Variants in OTOP3 observed in about 807,000 individuals in gnomAD.
OTOP3 encodes proton channel OTOP3.
A neutral mutation model predicts 50.8 loss-of-function variants in OTOP3; 41 were observed. The ratio of observed to expected loss-of-function variants is 0.81; its 90% CI spans 0.63 to 1.05. The LOEUF is 1.05. Among genes scored for constraint, OTOP3 ranks in the 50% least tolerant of loss-of-function variants. The probability of loss-of-function intolerance (pLI) is 0.00; values close to 1 mark genes in which losing one functional copy is unlikely to be tolerated. For synonymous variants in OTOP3, 320 were observed against 324.4 expected, an observed-to-expected ratio of 0.99 and a Z score of 0.14; for missense variants, 788 against 760.8, an observed-to-expected ratio of 1.04 and a Z score of -0.42.
intron 1 of OTOP3, among the ~76,000 whole-genome samples, chr17:74,938,142 G>C (rs2039136941): frequency 6.6e-6 from 1 of 152,120 alleles, no homozygotes; most frequent in African/African-American, 2.4e-5. Context: ...ATAGAATCTT[G>C]AAAAGAGGCT....
chr17:74,943,393 C>A (rs2039195894), intron 4 of OTOP3, 49 bp downstream of exon 4: 7 of 1,589,166 alleles, frequency 4.4e-6, no homozygotes, highest in Non-Finnish European at 6.0e-6. Flanking sequence ...GTCCTCCCCA[C>A]CACTTCCCTG....
At chr17:74,946,574 C>T in intron 5 of OTOP3, 87 bp from the exon 6 acceptor site, 1 of 1,209,986 alleles carries the variant, frequency 8.3e-7, no homozygotes, top group Non-Finnish European at 1.2e-6. Context: ...TAGTGTATTC[C>T]AGGGAATGGG....
At chr17:74,935,821 C>A (rs1006416950), upstream of OTOP3, 1 of 1,515,408 alleles carries the variant, frequency 6.6e-7, no homozygotes. Flanking sequence ...GGAGCCCGAG[C>A]GGCGGCTGCG....
chr17:74,944,203 C>T (rs1185411123), intron 5 of OTOP3, among the ~76,000 whole-genome samples: 1 of 152,160 alleles, frequency 6.6e-6, no homozygotes, highest in Admixed American at 6.5e-5. Context: ...CTAGAGGCTG[C>T]ATCCCATACC....
intron 3 of OTOP3, 142 bp downstream of exon 3, chr17:74,942,179 C>T: frequency 9.6e-7 from 1 of 1,041,140 alleles, no homozygotes; most frequent in Non-Finnish European, 1.4e-6. Context: ...ACACACCACA[C>T]CCCTCACACA....
At chr17:74,942,920 G>C (rs1286841872) in intron 3 of OTOP3, among the ~76,000 whole-genome samples, 1 of 152,174 alleles carries the variant, frequency 6.6e-6, no homozygotes, top group African/African-American at 2.4e-5. Flanking sequence ...ACTCCAGCCT[G>C]GGCGACAGAG....
chr17:74,936,961 C>CCCCTTTT (rs1555629576), intron 1 of OTOP3, among the ~76,000 whole-genome samples: 1 of 101,308 alleles, frequency 9.9e-6, no homozygotes, highest in African/African-American at 3.6e-5. Flanking sequence ...CCCCCCCACC[C>CCCCTTTT]TTTTTTTTTT....
At chr17:74,944,927 G>A (rs1354559742) in intron 5 of OTOP3, among the ~76,000 whole-genome samples, 2 of 151,978 alleles carry the variant, frequency 1.3e-5, no homozygotes. Context: ...ATTTCAGCAT[G>A]CATCTTTTTT....
Position 74,942,030 on chromosome 17 carries a change from G to C in OTOP3, c.566G>C (p.Gly189Ala). 6.2e-7 allele frequency: 1 copy of C among 1,608,318 alleles called. No homozygotes were observed. The change falls in exon 3 of 7, where the codon GGC becomes GCC. Residue 189 changes from glycine to alanine, a missense_variant. Coordinates refer to ENST00000328801, the MANE Select transcript of OTOP3 (RefSeq NM_001272005.2). ...VFSVIEMVFIGVQTWVLWKHC... is the reference protein window; with the variant it reads ...VFSVIEMVFIAVQTWVLWKHC... ...TCTGTCATCGAGATGGTCTTCATCG[G>C]CGTCCAGGTGACAGGCTTCTCACGT... is the stretch of plus-strand genomic sequence containing the variant.
At chr17:74,945,678 C>T (rs1193240587) in intron 5 of OTOP3, among the ~76,000 whole-genome samples, 1 of 152,144 alleles carries the variant, frequency 6.6e-6, no homozygotes, top group African/African-American at 2.4e-5. Context: ...CTGCTAAGGC[C>T]GATGGCTGGG....
Position 74,949,189 on chromosome 17 carries a change from T to C in OTOP3, c.1567-57T>C, listed in dbSNP as rs984212796. The C allele has an allele frequency of 5.1e-6, 8 of 1,579,362 alleles. No individual in the cohort carries two copies. The Admixed American group carries it at 1.4e-4, about 27-fold the overall frequency. Reference sequence around the variant, plus strand: ...GGTTTGGGGGCTGCCTCCCCTGAACTGAGTGCCTTGGGGCACAGGAGAGCC... The same window carrying C: ...GGTTTGGGGGCTGCCTCCCCTGAACCGAGTGCCTTGGGGCACAGGAGAGCC... On this transcript the variant is annotated intron_variant, in intron 6 of 6. Coordinates refer to ENST00000328801, the MANE Select transcript of OTOP3 (RefSeq NM_001272005.2).
intron 3 of OTOP3, among the ~76,000 whole-genome samples, chr17:74,942,982 A>G (rs1393989878): frequency 2.0e-5 from 3 of 152,184 alleles, no homozygotes; most frequent in African/African-American, 7.2e-5. Context: ...GCTTCCTCTT[A>G]GGTTTCTCTT....
chr17:74,944,516 G>A (rs2039207568), intron 5 of OTOP3, among the ~76,000 whole-genome samples: 1 of 152,184 alleles, frequency 6.6e-6, no homozygotes, highest in Admixed American at 6.5e-5. Flanking sequence ...CAGCGCTTTG[G>A]GAGGCCGAGG....
chr17:74,939,223 C>T (rs569162231), intron 1 of OTOP3, among the ~76,000 whole-genome samples: 203 of 152,144 alleles, frequency 1.3e-3, no homozygotes, highest in Non-Finnish European at 2.5e-3. Flanking sequence ...CTGGAATGAA[C>T]AAGCCTGGGG....
intron 6 of OTOP3, among the ~76,000 whole-genome samples, chr17:74,947,831 T>C (rs1275345572): frequency 6.6e-6 from 1 of 152,254 alleles, no homozygotes; most frequent in Non-Finnish European, 1.5e-5. Context: ...GCCCAGCTTC[T>C]GGCGGAAGTC....
intron 5 of OTOP3, 72 bp from the exon 6 acceptor site, chr17:74,946,589 A>G: frequency 7.6e-7 from 1 of 1,318,298 alleles, no homozygotes; most frequent in South Asian, 1.4e-5. Context: ...AATGGGAGGT[A>G]TCTGTGTAGC....
chr17:74,940,139 A>G (rs2039157242), intron 1 of OTOP3, among the ~76,000 whole-genome samples: 2 of 147,704 alleles, frequency 1.4e-5, no homozygotes, highest in African/African-American at 2.5e-5. Flanking sequence ...ACACATACAT[A>G]TATACATATA....
rs749922687 is a variant in OTOP3 at position 74,946,710 on chromosome 17, T to G, written c.801T>G (p.Ala267=). The G allele has an allele frequency of 2.5e-6, 4 of 1,613,090 alleles. No individual in the cohort carries two copies. Among genetic ancestry groups the G allele is most frequent in the Non-Finnish European group, 3.4e-6 (4 of 1,179,882 alleles). ...GCCTCAATGCCACCGCGTGTGAAGC[T>G]TTCCGGAGAGGCTTCCTGATGCTCT... ...CLCLNATACE[A]FRRGFLMLYP... The change falls in exon 6 of 7, where the codon GCT becomes GCG. Residue 267 remains alanine, a synonymous_variant. Transcript: ENST00000328801.
intron 3 of OTOP3, 76 bp from the exon 4 acceptor site, chr17:74,943,210 G>T (rs544115505): frequency 1.6e-6 from 2 of 1,267,870 alleles, no homozygotes; most frequent in Non-Finnish European, 2.3e-6. Flanking sequence ...GTAAATACAC[G>T]CATGCGCCCC....
Sources: gnomAD v4.1 joint callset for allele counts (sites outside exome capture counted in the v4.1 genomes callset) on GRCh38, gnomAD v4.1.1 for gene constraint, MANE v1.5 for transcripts, NCBI Gene and HGNC (gene_info 2026-07-23, HGNC 2026-07-21) for gene names.